The following PEBP4 variants were observed in gnomAD, a reference collection of about 807,000 sequenced individuals.
PEBP4 encodes the protein phosphatidylethanolamine binding protein 4.
A neutral mutation model predicts 23.9 loss-of-function variants in PEBP4; 22 were observed. That is an observed-to-expected ratio of 0.92 (90% confidence interval 0.66 to 1.31). PEBP4 has a LOEUF of 1.31. Ranked by LOEUF, PEBP4 falls within the 40% of genes most tolerant of loss-of-function variation. The pLI is 0.00. For synonymous variants in PEBP4, 112 were observed against 99.3 expected (o/e 1.13, Z -0.76); for missense variants, 324 against 281.7 (o/e 1.15, Z -1.07).
chr8:22,791,081 G>A (rs1360822658), intron 4 of PEBP4, among the ~76,000 whole-genome samples: 4 of 152,148 alleles, frequency 2.6e-5, no homozygotes, highest in Non-Finnish European at 5.9e-5. Context: ...GCTGGGTAAT[G>A]TTGCTGCACC....
chr8:22,788,367 C>T lies in PEBP4; in HGVS notation c.357+29270G>A, dbSNP rs756804963. Among the ~76,000 whole-genome samples the T allele has an allele frequency of 3.4e-4, 52 of 152,272 alleles. 1 individual carries two copies. The highest frequency in any genetic ancestry group is 1.6e-3 in the Admixed American group (25 of 15,296). ...AGAGAAGAGGGAGAAATGGCAAGTG[C>T]AGCCTGCTCTTAGGCGGAAGCCGTG... On this transcript the variant is annotated intron_variant, in intron 4 of 6. Coordinates refer to ENST00000256404, the MANE Select transcript of PEBP4 (RefSeq NM_144962.3).
At chr8:22,931,522 G>A (rs973642901), upstream of PEBP4, among the ~76,000 whole-genome samples, 1 of 151,824 alleles carries the variant, frequency 6.6e-6, no homozygotes, top group African/African-American at 2.4e-5. Context: ...CACTTTCTTG[G>A]ACATTTTCAT....
At chr8:22,795,967 G>A (rs1806251306) in intron 4 of PEBP4, among the ~76,000 whole-genome samples, 1 of 152,166 alleles carries the variant, frequency 6.6e-6, no homozygotes, top group Admixed American at 6.5e-5. Context: ...GAATTTCTGA[G>A]CATTTCTGTG....
At position 22,797,977 on chromosome 8, in the gene PEBP4, G is replaced by T. The variant is rs997220040; in HGVS notation, c.357+19660C>A. Among the ~76,000 whole-genome samples, 41 of 152,106 alleles carry T rather than the reference G, an allele frequency of 2.7e-4. 3 individuals are homozygous for T. Among genetic ancestry groups the T allele is most frequent in the Admixed American group, 6.5e-5 (1 of 15,274 alleles). The stretch of plus-strand genomic sequence containing the variant: ...GTCTTCCCCAGGGGCTGGGAAACTA[G>T]GGCAAGTGCTCTGGGACAACTAGGA... On this transcript the variant is annotated intron_variant, in intron 4 of 6. Transcript: ENST00000256404.
At chr8:22,841,249 C>T (rs2128765633) in intron 3 of PEBP4, among the ~76,000 whole-genome samples, 1 of 152,394 alleles carries the variant, frequency 6.6e-6, no homozygotes, top group East Asian at 1.9e-4. Context: ...CTCTTAGCCA[C>T]TCTCTTCTGT....
At chr8:22,928,267 G>A (rs1563265234), upstream of PEBP4, among the ~76,000 whole-genome samples, 1 of 152,248 alleles carries the variant, frequency 6.6e-6, no homozygotes, top group Non-Finnish European at 1.5e-5. Context: ...TCCCCAAGGT[G>A]GAGGTGGTTG....
chr8:22,844,578 G>A (rs957766375), intron 3 of PEBP4, among the ~76,000 whole-genome samples: 1 of 152,154 alleles, frequency 6.6e-6, no homozygotes, highest in Admixed American at 6.5e-5. Context: ...GGTCCCCTGC[G>A]ATTTTCTTCC....
At chr8:22,736,483 G>A (rs1460508140) in intron 4 of PEBP4, among the ~76,000 whole-genome samples, 1 of 152,140 alleles carries the variant, frequency 6.6e-6, no homozygotes, top group African/African-American at 2.4e-5. Flanking sequence ...GTGTGTTCCT[G>A]TAGTCCTGGC....
chr8:22,803,396 G>C (rs530769474), intron 4 of PEBP4, among the ~76,000 whole-genome samples: 1 of 152,058 alleles, frequency 6.6e-6, no homozygotes, highest in South Asian at 2.1e-4. Context: ...GGCTGGGCAC[G>C]GTGGCTCACA....
At chr8:22,732,605 C>T (rs1256225015) in intron 4 of PEBP4, among the ~76,000 whole-genome samples, 1 of 151,342 alleles carries the variant, frequency 6.6e-6, no homozygotes, top group African/African-American at 2.4e-5. Context: ...GAATAGTAGT[C>T]ACTCCTTTTT....
rs551412331 is a variant in PEBP4 at position 22,911,470 on chromosome 8, C to T, written c.258+8714G>A. ...CCCACAGCAGAGCTGGGAGCTCCAC[C>T]CACCTCCTTCTCTCCACCCCTCACC... On this transcript the variant is annotated intron_variant, in intron 3 of 6. Coordinates refer to ENST00000256404, the MANE Select transcript of PEBP4 (RefSeq NM_144962.3). Among the ~76,000 whole-genome samples, 3 of 152,276 alleles carry T rather than the reference C, an allele frequency of 2.0e-5. No homozygotes were observed. The East Asian group carries it at 5.8e-4, about 29-fold the overall frequency.
At chr8:22,736,636 T>G (rs1804865756) in intron 4 of PEBP4, among the ~76,000 whole-genome samples, 1 of 152,130 alleles carries the variant, frequency 6.6e-6, no homozygotes, top group Non-Finnish European at 1.5e-5. Context: ...AAATATTAAG[T>G]TGAAAGCAAA....
At chr8:22,939,651 A>C (rs1045369335) in intron 1 of PEBP4, among the ~76,000 whole-genome samples, 2 of 151,768 alleles carry the variant, frequency 1.3e-5, no homozygotes, top group African/African-American at 4.8e-5. Context: ...TCTACCAAGC[A>C]GAAGGCAGAG....
chr8:22,805,444 A>G (rs747576336), intron 4 of PEBP4, among the ~76,000 whole-genome samples: 2 of 152,232 alleles, frequency 1.3e-5, no homozygotes, highest in Non-Finnish European at 2.9e-5. Flanking sequence ...CTCCTGCCTC[A>G]GCCTCCCAAG....
At chr8:22,726,255 G>A (rs1804621948) in intron 5 of PEBP4, among the ~76,000 whole-genome samples, 1 of 152,210 alleles carries the variant, frequency 6.6e-6, no homozygotes, top group Non-Finnish European at 1.5e-5. Flanking sequence ...GTGGGTGCCA[G>A]GGAGTCTCCT....
At chr8:22,727,294 GCTTCTCTCT>G in intron 4 of PEBP4, 74 bp from the exon 5 acceptor site, 1 of 1,445,418 alleles carries the variant, frequency 6.9e-7, no homozygotes. Context: ...CTGCGGGATT[GCTTCTCTCT>G]CTGCAGGAGG....
At chr8:22,878,910 T>C (rs576894142) in intron 3 of PEBP4, among the ~76,000 whole-genome samples, 1 of 152,314 alleles carries the variant, frequency 6.6e-6, no homozygotes, top group Admixed American at 6.5e-5. Context: ...GCTGGTTTCT[T>C]ATCACAGAGC....
At chr8:22,765,031 C>T (rs1408093392) in intron 4 of PEBP4, among the ~76,000 whole-genome samples, 5 of 152,152 alleles carry the variant, frequency 3.3e-5, no homozygotes, top group Non-Finnish European at 7.4e-5. Context: ...CTGCCAGATA[C>T]TGAGCCAAGC....
chr8:22,778,612 G>A (rs189706222), intron 4 of PEBP4, among the ~76,000 whole-genome samples: 155 of 152,228 alleles, frequency 1.0e-3, no homozygotes, highest in Non-Finnish European at 1.6e-3. Context: ...CCTGTGATCC[G>A]GGGATGGGAA....
Sources: gnomAD v4.1 joint callset for allele counts (sites outside exome capture counted in the v4.1 genomes callset) on GRCh38, gnomAD v4.1.1 for gene constraint, MANE v1.5 for transcripts, NCBI Gene and HGNC (gene_info 2026-07-23, HGNC 2026-07-21) for gene names.